Variants in TEX2 observed in about 807,000 individuals in gnomAD.
The protein encoded by TEX2 is testis expressed 2.
In TEX2, 53 loss-of-function variants were observed where a neutral mutation model predicts 106.9. That is an observed-to-expected ratio of 0.50 (90% CI 0.40 to 0.62). The LOEUF is 0.62. TEX2 is among the 20% of genes least tolerant of loss of function. The pLI is 0.00. For missense variants in TEX2, 1,207 were observed against 1,379.0 expected (o/e 0.88, Z 1.98); for synonymous variants, 523 against 534.8 (o/e 0.98, Z 0.30).
At chr17:64,250,626 T>C (rs2143475382) in intron 1 of TEX2, among the ~76,000 whole-genome samples, 1 of 152,356 alleles carries the variant, frequency 6.6e-6, no homozygotes, top group South Asian at 2.1e-4. Context: ...AATAACACTG[T>C]TGTCTCGGTC....
In TEX2 at chr17:64,213,400, T is replaced by C. The variant is rs369843522; in HGVS notation, c.818A>G (p.Asp273Gly). 8.7e-6 allele frequency: 14 copies of C among 1,613,948 alleles called. No individual in the cohort carries two copies. In the South Asian group the frequency reaches 9.9e-5, roughly 11 times the overall value. Residue 273 changes from aspartate (D) to glycine (G), a missense_variant, in exon 2 of 12, where the codon GAT becomes GGT. Physicochemically the swap from Asp to Gly is moderately conservative, Grantham distance 94 (BLOSUM62 -1). This residue lies in a region of TEX2 where 1,067 missense variants were observed against 1,193.6 expected (regional missense o/e 0.89). Transcript: ENST00000584379. This position sits in a 1 kb window ranked among gnomAD's most constrained non-coding sequence, Gnocchi z 4.4. The part of the protein sequence containing the change: ...APSSPLTSPS[D>G]TRSFFKVPEM... ...GGGCACTTTAAAAAAGGAACGAGTA[T>C]CAGAGGGAGAAGTCAGTGGGGAAGA... is the stretch of plus-strand genomic sequence containing the variant.
At chr17:64,188,101 A>G in intron 5 of TEX2, 67 bp downstream of exon 5, 1 of 1,549,992 alleles carries the variant, frequency 6.5e-7, no homozygotes, top group Non-Finnish European at 8.7e-7. Flanking sequence ...GCTTCGGAGC[A>G]CTTACGCATG....
intron 4 of TEX2, among the ~76,000 whole-genome samples, chr17:64,189,386 T>G (rs540721862): frequency 6.6e-6 from 1 of 152,312 alleles, no homozygotes; most frequent in East Asian, 1.9e-4. Flanking sequence ...GCCATTTTCC[T>G]GGCCCAGGTG....
chr17:64,228,961 CACACACACA>C (rs1567957683), intron 1 of TEX2, among the ~76,000 whole-genome samples: 11 of 140,200 alleles, frequency 7.8e-5, no homozygotes, highest in Non-Finnish European at 1.1e-4. Flanking sequence ...CACACACACA[CACACACACA>C]CCTTTTCTAC....
intron 7 of TEX2, among the ~76,000 whole-genome samples, chr17:64,168,862 G>C (rs1209930378): frequency 6.7e-6 from 1 of 148,630 alleles, no homozygotes; most frequent in Non-Finnish European, 1.5e-5. Context: ...CTGATGGAGT[G>C]AAGATGCTAG....
At position 64,188,216 on chromosome 17, in the gene TEX2, C is replaced by G; in HGVS notation, c.2376G>C (p.Gln792His). ...RCVPQESRSPQRSPLQSAESS... is the reference protein window; with the variant it reads ...RCVPQESRSPHRSPLQSAESS... The stretch of plus-strand genomic sequence containing the variant: ...TCTCCGCACTCTGCAGGGGGCTCCT[C>G]TGGGGGCTTCGGCTTTCCTGGGGGA... Residue 792 changes from glutamine (Q) to histidine (H), a missense_variant, in exon 5 of 12, where the codon CAG becomes CAC. Physicochemically the swap from Gln to His is conservative, Grantham distance 24 (BLOSUM62 0). Transcript: ENST00000584379. The G allele has an allele frequency of 1.2e-6, 2 of 1,612,812 alleles. No individual in the cohort carries two copies. Among genetic ancestry groups the G allele is most frequent in the South Asian group, 2.2e-5 (2 of 91,018 alleles).
At position 64,151,176 on chromosome 17, in the gene TEX2, A is replaced by G. The variant is rs1295422277; in HGVS notation, c.3141-215T>C. Among the ~76,000 whole-genome samples the G allele has an allele frequency of 3.3e-5, 5 of 152,216 alleles. No homozygotes were observed. In the South Asian group the frequency reaches 1.0e-3, roughly 31 times the overall value. On this transcript the variant is annotated intron_variant, in intron 10 of 11. Transcript: ENST00000584379. ...GTTAGGGCTGTGGCGGATTTAGAAC[A>G]GTTCTGACAAACTGAGAGAGCCAGG... is the stretch of plus-strand genomic sequence containing the variant.
At chr17:64,261,688 C>T (rs1414580194) in intron 1 of TEX2, among the ~76,000 whole-genome samples, 1 of 152,162 alleles carries the variant, frequency 6.6e-6, no homozygotes, top group African/African-American at 2.4e-5. Flanking sequence ...CCCTCCACAT[C>T]CTCTCCCTCC....
intron 1 of TEX2, among the ~76,000 whole-genome samples, chr17:64,233,436 G>A (rs751831362): frequency 6.6e-5 from 10 of 152,302 alleles, no homozygotes; most frequent in African/African-American, 2.2e-4. Context: ...AGCCAGGCGC[G>A]GTGGCAGGCG....
chr17:64,234,822 T>C (rs1420842935), intron 1 of TEX2, among the ~76,000 whole-genome samples: 3 of 152,248 alleles, frequency 2.0e-5, no homozygotes, highest in Non-Finnish European at 4.4e-5. Flanking sequence ...AAATATCCTA[T>C]TGATTTGGCA....
intron 10 of TEX2, among the ~76,000 whole-genome samples, chr17:64,151,341 C>T (rs1284670301): frequency 6.6e-6 from 1 of 152,108 alleles, no homozygotes; most frequent in African/African-American, 2.4e-5. Flanking sequence ...GCAGATAAAG[C>T]AGAGAGTGAA....
chr17:64,191,198 G>A (rs1375808462), intron 4 of TEX2, among the ~76,000 whole-genome samples: 3 of 152,204 alleles, frequency 2.0e-5, no homozygotes, highest in Admixed American at 6.5e-5. Context: ...GTACCAGTGA[G>A]TGCACTGAAG....
chr17:64,235,114 C>T (rs2033739555), intron 1 of TEX2, among the ~76,000 whole-genome samples: 1 of 152,194 alleles, frequency 6.6e-6, no homozygotes, highest in Admixed American at 6.5e-5. Context: ...GACTGCCAGC[C>T]CTCTAGCTAA....
chr17:64,251,340 T>G (rs1276727430), intron 1 of TEX2, among the ~76,000 whole-genome samples: 1 of 152,208 alleles, frequency 6.6e-6, no homozygotes, highest in Non-Finnish European at 1.5e-5. Flanking sequence ...CATTATCCGA[T>G]TCTGTGATTT....
rs1301418426 is a variant in TEX2, at chr17:64,231,195, A to T, written c.-25-16953T>A. On this transcript the variant is annotated intron_variant, in intron 1 of 11. Coordinates refer to ENST00000584379, the MANE Select transcript of TEX2 (RefSeq NM_001288732.2). The stretch of plus-strand genomic sequence containing the variant: ...TCCCCCACCTACTGCCAAACAGTAC[A>T]GAAGGTGACTGTGAGGCTGCTCCTG... Among the ~76,000 whole-genome samples the T allele has an allele frequency of 2.6e-5, 4 of 152,208 alleles. 1 individual carries two copies. Among genetic ancestry groups the T allele is most frequent in the African/African-American group, 4.8e-5 (2 of 41,446 alleles).
intron 8 of TEX2, among the ~76,000 whole-genome samples, chr17:64,159,455 A>C (rs2030784997): frequency 6.6e-6 from 1 of 152,184 alleles, no homozygotes; most frequent in Non-Finnish European, 1.5e-5. Flanking sequence ...ATTGAGTCTG[A>C]CTAGATCAGG....
intron 1 of TEX2, among the ~76,000 whole-genome samples, chr17:64,262,227 G>A (rs1190154849): frequency 1.3e-5 from 2 of 152,208 alleles, no homozygotes; most frequent in African/African-American, 4.8e-5. Flanking sequence ...TCTAAAAAAG[G>A]ATGTCCTCCC....
At chr17:64,200,750 T>G (rs1385733194) in intron 2 of TEX2, among the ~76,000 whole-genome samples, 1 of 152,176 alleles carries the variant, frequency 6.6e-6, no homozygotes, top group Non-Finnish European at 1.5e-5. Flanking sequence ...TAGGTAGGCA[T>G]AGAAAGAGAA....
At position 64,213,232 on chromosome 17, in the gene TEX2, G is replaced by A. The variant is rs781812207; in HGVS notation, c.986C>T (p.Ser329Phe). Reference sequence around the variant, plus strand: ...GTGCCCATTCAAGCTGGACAGATTGGAGAGTTCTGAAGCACTTGAAGATAA... The same window carrying A: ...GTGCCCATTCAAGCTGGACAGATTGAAGAGTTCTGAAGCACTTGAAGATAA... Reference protein sequence around the residue: ...KALSSSASELSNLSSLNGHLE... With the variant: ...KALSSSASELFNLSSLNGHLE... Residue 329 changes from serine (S) to phenylalanine (F), a missense_variant, in exon 2 of 12, where the codon TCC (serine) becomes TTC (phenylalanine). Coordinates refer to ENST00000584379, the MANE Select transcript of TEX2 (RefSeq NM_001288732.2). The surrounding 1 kb of genome is among the most constrained non-coding windows in gnomAD (Gnocchi z 4.4). 3.7e-6 allele frequency: 6 copies of A among 1,614,176 alleles called. No homozygotes were observed. The highest frequency in any genetic ancestry group is 5.1e-6 in the Non-Finnish European group (6 of 1,180,040).
Sources: gnomAD v4.1 joint callset for allele counts (sites outside exome capture counted in the v4.1 genomes callset) on GRCh38, gnomAD v4.1.1 for gene constraint, gnomAD v4.1.1 regional missense constraint, Gnocchi (gnomAD v3.1) non-coding constraint, MANE v1.5 for transcripts, NCBI Gene and HGNC (gene_info 2026-07-23, HGNC 2026-07-21) for gene names.